The following HS2ST1 variants were observed in gnomAD, a reference collection of about 807,000 sequenced individuals.
HS2ST1 encodes the protein heparan sulfate 2-O-sulfotransferase 1, also known as 2-O-sulfotransferase.
Under a neutral mutation model 42.9 loss-of-function variants are expected in HS2ST1, and 18 were observed. The ratio of observed to expected loss-of-function variants is 0.42; its 90% CI spans 0.29 to 0.62. The LOEUF (loss-of-function observed/expected upper bound fraction) is 0.62, where lower values mean the gene tolerates loss of function less well. Among genes scored for constraint, HS2ST1 ranks in the 20% least tolerant of loss-of-function variants. The probability of loss-of-function intolerance (pLI) is 0.21; values close to 1 mark genes in which losing one functional copy is unlikely to be tolerated. For missense variants in HS2ST1, 334 were observed against 433.8 expected, an observed-to-expected ratio of 0.77 and a Z score of 2.04; for synonymous variants, 146 against 152.9, an observed-to-expected ratio of 0.95 and a Z score of 0.33.
intron 1 of HS2ST1, among the ~76,000 whole-genome samples, chr1:86,923,027 G>A (rs1478215766): frequency 2.0e-5 from 3 of 152,118 alleles, no homozygotes; most frequent in African/African-American, 7.2e-5. Context: ...GTCTTTTTGT[G>A]TGTGTGTGTG....
intron 1 of HS2ST1, among the ~76,000 whole-genome samples, chr1:87,006,193 A>G (rs1649434132): frequency 6.6e-6 from 1 of 152,124 alleles, no homozygotes; most frequent in Non-Finnish European, 1.5e-5. Flanking sequence ...AATGTTTTCC[A>G]TTACCTTAAA....
chr1:86,936,853 T>A (rs1660664243), intron 1 of HS2ST1, among the ~76,000 whole-genome samples: 1 of 150,620 alleles, frequency 6.6e-6, no homozygotes, highest in Non-Finnish European at 1.5e-5. Flanking sequence ...CCCAGCACTT[T>A]GGGAGGCTGA....
At chr1:87,083,260 A>G (rs1156475762) in intron 2 of HS2ST1, among the ~76,000 whole-genome samples, 1 of 152,214 alleles carries the variant, frequency 6.6e-6, no homozygotes, top group African/African-American at 2.4e-5. Context: ...TGAAAGATTG[A>G]TAAGTTGTCA....
At chr1:87,001,424 G>A (rs1001892949) in intron 1 of HS2ST1, among the ~76,000 whole-genome samples, 6 of 152,244 alleles carry the variant, frequency 3.9e-5, no homozygotes, top group South Asian at 2.1e-4. Flanking sequence ...GGCTATCTGC[G>A]AAGGAGAAAA....
Position 86,915,012 on chromosome 1 carries a change from G to T in HS2ST1, c.-25G>T. On this transcript the variant is annotated 5_prime_UTR_variant, in exon 1 of 7. An upstream start codon of the reference 5' UTR is lost. Transcript: ENST00000370550. ...TCCCGCTCCCCGCCCCCCGCGGTAT[G>T]TCTTGATCCCGAGCAGCGGGTTTCA... is the stretch of plus-strand genomic sequence containing the variant. The T allele has an allele frequency of 1.9e-6, 3 of 1,613,832 alleles. No individual in the cohort carries two copies. The highest frequency in any genetic ancestry group is 2.5e-6 in the Non-Finnish European group (3 of 1,179,952).
At chr1:87,055,793 G>GT (rs1360422171) in intron 1 of HS2ST1, among the ~76,000 whole-genome samples, 1 of 152,146 alleles carries the variant, frequency 6.6e-6, no homozygotes, top group Non-Finnish European at 1.5e-5. Context: ...TAGGCATTGT[G>GT]TTTTTTGCTG....
At chr1:86,923,678 G>A (rs1323552432) in intron 1 of HS2ST1, among the ~76,000 whole-genome samples, 4 of 152,202 alleles carry the variant, frequency 2.6e-5, no homozygotes, top group Non-Finnish European at 5.9e-5. Context: ...TTACAGGTGT[G>A]AGCCACTTCG....
rs146885798 is a variant in HS2ST1 at position 87,087,024 on chromosome 1, T to C, written c.449+2745T>C. On this transcript the variant is annotated intron_variant, in intron 3 of 6. Transcript: ENST00000370550. ...AAATATAAAGTTGAGTAAGTTGCAG[T>C]TCTTGACCTTAATGAGTTCACTGAA... is the stretch of plus-strand genomic sequence containing the variant. Among the ~76,000 whole-genome samples the C allele has an allele frequency of 1.4e-4, 22 of 152,200 alleles. No individual in the cohort carries two copies. The East Asian group carries it at 4.2e-3, about 29-fold the overall frequency.
chr1:86,968,518 C>T (rs901495783), intron 1 of HS2ST1, among the ~76,000 whole-genome samples: 7 of 151,980 alleles, frequency 4.6e-5, no homozygotes, highest in Non-Finnish European at 1.0e-4. Context: ...GATTCTCCCA[C>T]CTCAGCCTCC....
chr1:87,005,187 T>G (rs1211230441), intron 1 of HS2ST1, among the ~76,000 whole-genome samples: 2 of 152,222 alleles, frequency 1.3e-5, no homozygotes, highest in African/African-American at 4.8e-5. Context: ...TATCATAGTG[T>G]GAATACCCTT....
chr1:86,993,823 G>A (rs180743931), intron 1 of HS2ST1, among the ~76,000 whole-genome samples: 1 of 152,260 alleles, frequency 6.6e-6, no homozygotes, highest in Admixed American at 6.5e-5. Context: ...ATTCTATATA[G>A]TGACAAGACA....
intron 1 of HS2ST1, among the ~76,000 whole-genome samples, chr1:86,996,235 G>A (rs1335665710): frequency 1.3e-5 from 2 of 152,048 alleles, no homozygotes; most frequent in East Asian, 1.9e-4. Context: ...TTGAGATTGG[G>A]AGTTCGAGAC....
At chr1:86,952,935 G>A (rs140093715) in intron 1 of HS2ST1, among the ~76,000 whole-genome samples, 5 of 152,276 alleles carry the variant, frequency 3.3e-5, no homozygotes, top group South Asian at 2.1e-4. Flanking sequence ...CTTGTTCTTC[G>A]AAGGCAGGCA....
intron 3 of HS2ST1, among the ~76,000 whole-genome samples, chr1:87,091,404 A>G (rs1219817060): frequency 2.0e-5 from 3 of 152,004 alleles, no homozygotes; most frequent in African/African-American, 7.2e-5. Context: ...GGTACCTAAG[A>G]CATAAGGTAA....
chr1:86,952,362 T>C (rs1647546748), intron 1 of HS2ST1, among the ~76,000 whole-genome samples: 1 of 152,032 alleles, frequency 6.6e-6, no homozygotes, highest in African/African-American at 2.4e-5. Context: ...CTCAGTCTCC[T>C]GAGTAGCTGG....
intron 1 of HS2ST1, among the ~76,000 whole-genome samples, chr1:86,922,508 CA>C (rs1316371471): frequency 6.6e-6 from 1 of 151,234 alleles, no homozygotes; most frequent in Non-Finnish European, 1.5e-5. Context: ...ACATTACTTA[CA>C]CTTAAAAATA....
intron 1 of HS2ST1, among the ~76,000 whole-genome samples, chr1:87,066,887 C>A (rs1487184138): frequency 1.3e-5 from 2 of 152,140 alleles, no homozygotes; most frequent in Non-Finnish European, 2.9e-5. Flanking sequence ...CATGTCCCTG[C>A]AAAGGACATG....
At chr1:86,972,621 T>C (rs1648270993) in intron 1 of HS2ST1, among the ~76,000 whole-genome samples, 1 of 152,200 alleles carries the variant, frequency 6.6e-6, no homozygotes, top group African/African-American at 2.4e-5. Context: ...TGTTCAATAT[T>C]GTTTGCAGTT....
intron 1 of HS2ST1, among the ~76,000 whole-genome samples, chr1:86,925,369 T>C (rs115091399): frequency 0.013 from 1,950 of 152,330 alleles, 15 homozygotes; most frequent in South Asian, 0.053. Flanking sequence ...TTCCACATTT[T>C]TGGGTATCTT....
Sources: gnomAD v4.1 joint callset for allele counts (sites outside exome capture counted in the v4.1 genomes callset) on GRCh38, gnomAD v4.1.1 for gene constraint, MANE v1.5 for transcripts, NCBI Gene and HGNC (gene_info 2026-07-23, HGNC 2026-07-21) for gene names.